Variants in ERI3 observed in about 807,000 individuals in gnomAD.
ERI3 encodes the protein ERI1 exoribonuclease 3.
Under a neutral mutation model 44.4 loss-of-function variants are expected in ERI3, and 18 were observed. That is an observed-to-expected ratio of 0.41 (90% CI 0.28 to 0.60). The LOEUF is 0.60. ERI3 is among the 20% of genes least tolerant of loss of function. ERI3 has a pLI of 0.36. For missense variants in ERI3, 294 were observed against 435.5 expected, an observed-to-expected ratio of 0.68 and a Z score of 2.89; for synonymous variants, 183 against 164.8, an observed-to-expected ratio of 1.11 and a Z score of -0.84.
chr1:44,271,043 T>G (rs1186461810), intron 7 of ERI3, among the ~76,000 whole-genome samples: 1 of 152,190 alleles, frequency 6.6e-6, no homozygotes, highest in African/African-American at 2.4e-5. Context: ...AAAGGTAGGG[T>G]GGCCACTTCC....
intron 7 of ERI3, among the ~76,000 whole-genome samples, chr1:44,276,796 TTTTCAA>T (rs760342760): frequency 2.0e-5 from 3 of 152,202 alleles, no homozygotes; most frequent in Non-Finnish European, 2.9e-5. Flanking sequence ...CTTACCAATA[TTTTCAA>T]TTCCCTATCC....
intron 3 of ERI3, chr1:44,323,000 G>T (rs908975269): frequency 1.6e-5 from 20 of 1,259,038 alleles, no homozygotes; most frequent in East Asian, 5.7e-5. Context: ...CTCAGATAAT[G>T]AAACTGTTAT....
At chr1:44,290,595 T>C (rs1181743435) in intron 6 of ERI3, among the ~76,000 whole-genome samples, 1 of 152,168 alleles carries the variant, frequency 6.6e-6, no homozygotes, top group African/African-American at 2.4e-5. Context: ...AGAGCCTCCA[T>C]GGGCAGCATG....
intron 3 of ERI3, 33 bp downstream of exon 3, chr1:44,339,012 C>T (rs528274805): frequency 1.9e-6 from 3 of 1,601,526 alleles, no homozygotes; most frequent in Non-Finnish European, 1.7e-6. Context: ...CTTGCCCCCC[C>T]CACCTTTTCT....
intron 7 of ERI3, among the ~76,000 whole-genome samples, chr1:44,264,569 A>G (rs1644954246): frequency 6.6e-6 from 1 of 152,344 alleles, no homozygotes; most frequent in East Asian, 1.9e-4. Context: ...TAGGCAATGA[A>G]GCTCCGGGTG....
At chr1:44,324,330 C>T (rs1025104693) in intron 3 of ERI3, among the ~76,000 whole-genome samples, 11 of 152,062 alleles carry the variant, frequency 7.2e-5, no homozygotes. Context: ...TCAGATATTT[C>T]ACAGTTCAAA....
chr1:44,303,797 C>G (rs1437211008), intron 6 of ERI3, among the ~76,000 whole-genome samples: 2 of 151,990 alleles, frequency 1.3e-5, no homozygotes, highest in Non-Finnish European at 2.9e-5. Context: ...AGGTATTAAG[C>G]CGAGGGGTGA....
chr1:44,259,529 G>C (rs1251658909), intron 7 of ERI3, among the ~76,000 whole-genome samples: 1 of 152,024 alleles, frequency 6.6e-6, no homozygotes, highest in Non-Finnish European at 1.5e-5. Context: ...TGTGATCTTG[G>C]GGTGCTCTAC....
At chr1:44,233,939 G>A (rs922931582) in intron 8 of ERI3, among the ~76,000 whole-genome samples, 2 of 152,128 alleles carry the variant, frequency 1.3e-5, no homozygotes, top group African/African-American at 4.8e-5. Flanking sequence ...GACTCATGAG[G>A]ATGAAGCTTT....
intron 7 of ERI3, among the ~76,000 whole-genome samples, chr1:44,250,209 C>G (rs1023818331): frequency 6.6e-6 from 1 of 152,208 alleles, no homozygotes; most frequent in South Asian, 2.1e-4. Context: ...CTTGCATTAG[C>G]AGGTGCTGCC....
intron 8 of ERI3, 146 bp downstream of exon 8, chr1:44,247,793 C>A: frequency 1.8e-6 from 1 of 556,870 alleles, no homozygotes; most frequent in Non-Finnish European, 3.1e-6. Context: ...CTCATGCCAC[C>A]CCCCTTCCAC....
Position 44,228,681 on chromosome 1 carries a change from CAGTGG to C in ERI3, c.932-7046_932-7042del, listed in dbSNP as rs1644104745. ...CCGCCAGCTCACAGCCACTTGGGGG[CAGTGG>C]GGTGGAGGGGGGGATGTGCCTGGCC... On this transcript the variant is annotated intron_variant, in intron 8 of 8. Transcript: ENST00000372257. This position sits in a 1 kb window ranked among gnomAD's most constrained non-coding sequence, Gnocchi z 4.3. Among the ~76,000 whole-genome samples, 1 of 152,096 alleles carries C rather than the reference CAGTGG, an allele frequency of 6.6e-6. No individual in the cohort carries two copies. The highest frequency in any genetic ancestry group is 6.5e-5 in the Admixed American group (1 of 15,270).
intron 7 of ERI3, among the ~76,000 whole-genome samples, chr1:44,280,035 A>G (rs1645255049): frequency 6.6e-6 from 1 of 152,198 alleles, no homozygotes; most frequent in African/African-American, 2.4e-5. Flanking sequence ...CATGTTATGG[A>G]CCACATTCAT....
rs111982883 is a variant in ERI3, at chr1:44,235,787, G to C, written c.931+12152C>G. On this transcript the variant is annotated intron_variant, in intron 8 of 8. Transcript: ENST00000372257. This position sits in a 1 kb window ranked among gnomAD's most constrained non-coding sequence, Gnocchi z 4.6. ...CTGGCTAGGACCTGAGCTCTCATCT[G>C]TCTGGCCAGCCTGTCCTGCAAACCC... Among the ~76,000 whole-genome samples the C allele has an allele frequency of 7.2e-4, 110 of 152,274 alleles. No individual in the cohort carries two copies. Among genetic ancestry groups the C allele is most frequent in the African/African-American group, 2.6e-3 (106 of 41,562 alleles).
intron 2 of ERI3, among the ~76,000 whole-genome samples, chr1:44,339,886 C>T (rs927668885): frequency 1.3e-5 from 2 of 152,246 alleles, no homozygotes; most frequent in Middle Eastern, 6.8e-3. Context: ...GCAAACAAAG[C>T]GAATCACAGG....
At chr1:44,295,029 T>C (rs1005545196) in intron 6 of ERI3, among the ~76,000 whole-genome samples, 4 of 152,246 alleles carry the variant, frequency 2.6e-5, no homozygotes, top group African/African-American at 9.6e-5. Context: ...TCCTCTGCCC[T>C]GATTCCAGCT....
chr1:44,316,902 AAC>A (rs931377193), intron 4 of ERI3, among the ~76,000 whole-genome samples: 1 of 152,160 alleles, frequency 6.6e-6, no homozygotes, highest in African/African-American at 2.4e-5. Flanking sequence ...GAAGGAATGA[AAC>A]ACATCCCATC....
At chr1:44,280,358 G>C (rs529672275) in intron 7 of ERI3, among the ~76,000 whole-genome samples, 12 of 152,206 alleles carry the variant, frequency 7.9e-5, no homozygotes, top group Admixed American at 5.9e-4. Context: ...TAATACTCAG[G>C]AATTGGCCCA....
intron 7 of ERI3, chr1:44,284,219 A>G: frequency 2.7e-6 from 1 of 370,610 alleles, no homozygotes. Flanking sequence ...GTAGCCACAC[A>G]TGGTCCTTGC....
Sources: gnomAD v4.1 joint callset for allele counts (sites outside exome capture counted in the v4.1 genomes callset) on GRCh38, gnomAD v4.1.1 for gene constraint, Gnocchi (gnomAD v3.1) non-coding constraint, MANE v1.5 for transcripts, NCBI Gene and HGNC (gene_info 2026-07-23, HGNC 2026-07-21) for gene names.